Variants in GUCY2F observed in about 807,000 individuals in gnomAD.
GUCY2F encodes the protein retinal guanylyl cyclase 2.
In GUCY2F, 61 loss-of-function variants were observed where a neutral mutation model predicts 73.1. The ratio of observed to expected loss-of-function variants is 0.83; its 90% confidence interval spans 0.68 to 1.03. GUCY2F has a LOEUF of 1.03. GUCY2F is among the 50% of genes least tolerant of loss of function. The pLI is 0.00. For missense variants in GUCY2F, 912 were observed against 854.3 expected (o/e 1.07, Z -0.84); for synonymous variants, 331 against 307.8 (o/e 1.08, Z -0.79).
rs149787608 is a variant in GUCY2F at position 109,439,519 on chromosome X, T to G, written c.1701+1832A>C. Among the ~76,000 whole-genome samples the G allele has an allele frequency of 9.3e-3, 1,018 of 109,833 alleles. 6 individuals are homozygous for G. Among genetic ancestry groups the G allele is most frequent in the Middle Eastern group, 0.023 (5 of 217 alleles). Reference sequence around the variant, plus strand: ...GGCAAGGCTGAGAATTTTACAACTCTGTATGTTCCGATTCCCTTGTTTTTT... The same window carrying G: ...GGCAAGGCTGAGAATTTTACAACTCGGTATGTTCCGATTCCCTTGTTTTTT... On this transcript the variant is annotated intron_variant, in intron 7 of 19. Coordinates refer to ENST00000218006, the MANE Select transcript of GUCY2F (RefSeq NM_001522.3).
At chrX:109,380,114 G>A (rs1335023173) in intron 17 of GUCY2F, among the ~76,000 whole-genome samples, 3 of 112,185 alleles carry the variant, frequency 2.7e-5, no homozygotes, top group East Asian at 5.6e-4. Flanking sequence ...GAGCCCAAGA[G>A]AAAAGGCTTT....
At position 109,475,828 on chromosome X, in the gene GUCY2F, A is replaced by T. The variant is rs754988699; in HGVS notation, c.109T>A (p.Cys37Ser). Residue 37 changes from cysteine (C) to serine (S), a missense_variant, in exon 2 of 20, where the codon TGC becomes AGC. By Grantham distance (112) the Cys-to-Ser change is moderately radical (BLOSUM62 -1). Transcript: ENST00000218006. Reference protein sequence around the residue: ...LASAKFLWCLCLLSVMSLPQQ... With the variant: ...LASAKFLWCLSLLSVMSLPQQ... ...GGAAGGGACATGACAGACAGAAGGC[A>T]CAAGCACCACAGGAACTTGGCAGAT... is the stretch of plus-strand genomic sequence containing the variant. 10 of 1,211,113 alleles carry T rather than the reference A, an allele frequency of 8.3e-6. No homozygotes were observed. Among genetic ancestry groups the T allele is most frequent in the Middle Eastern group, 4.6e-4 (2 of 4,354 alleles).
intron 1 of GUCY2F, 112 bp from the exon 2 acceptor site, chrX:109,476,133 A>T: frequency 2.8e-6 from 1 of 357,514 alleles, no homozygotes; most frequent in Non-Finnish European, 4.8e-6. Flanking sequence ...CCCAAACTAA[A>T]AGTTTCTTTC....
intron 10 of GUCY2F, among the ~76,000 whole-genome samples, chrX:109,403,253 C>G (rs1930890584): frequency 9.0e-6 from 1 of 111,167 alleles, no homozygotes; most frequent in Non-Finnish European, 1.9e-5. Context: ...TCAGATTTCT[C>G]CTATTTCTTT....
At chrX:109,401,145 A>G (rs1930829938) in intron 10 of GUCY2F, among the ~76,000 whole-genome samples, 3 of 112,389 alleles carry the variant, frequency 2.7e-5, no homozygotes. Context: ...AGTAATGAAT[A>G]CATTTACAAT....
intron 7 of GUCY2F, among the ~76,000 whole-genome samples, chrX:109,434,418 T>C (rs1931686517): frequency 9.1e-6 from 1 of 109,474 alleles, no homozygotes; most frequent in Non-Finnish European, 1.9e-5. Context: ...GTGTGTACAA[T>C]AAAAGTGTGA....
Position 109,390,596 on chromosome X carries a change from T to C in GUCY2F, c.2781+1315A>G, listed in dbSNP as rs142265502. On this transcript the variant is annotated intron_variant, in intron 14 of 19. Coordinates refer to ENST00000218006, the MANE Select transcript of GUCY2F (RefSeq NM_001522.3). ...AAGTACCAAAATATCTAATGGCCTA[T>C]TGCTAAGACCCCCAACAATTGTCTG... Among the ~76,000 whole-genome samples, 65 of 112,809 alleles carry C rather than the reference T, an allele frequency of 5.8e-4. No homozygotes were observed. In the East Asian group the frequency reaches 0.018, roughly 31 times the overall value.
At chrX:109,445,264 T>C (rs918037090) in intron 6 of GUCY2F, among the ~76,000 whole-genome samples, 24 of 112,279 alleles carry the variant, frequency 2.1e-4, no homozygotes, top group African/African-American at 7.1e-4. Flanking sequence ...ACTAGTTGTT[T>C]AATTCACCAA....
intron 19 of GUCY2F, among the ~76,000 whole-genome samples, chrX:109,374,675 G>C (rs1930135096): frequency 9.0e-6 from 1 of 111,384 alleles, no homozygotes; most frequent in Admixed American, 9.5e-5. Context: ...GGATCTGTGT[G>C]TGTGTCTGTC....
chrX:109,402,387 T>C (rs1930863889), intron 10 of GUCY2F, among the ~76,000 whole-genome samples: 1 of 109,439 alleles, frequency 9.1e-6, no homozygotes, highest in Non-Finnish European at 1.9e-5. Context: ...TTTTTTTTTT[T>C]TTTGAGACAG....
At chrX:109,387,784 G>C (rs1287828950) in intron 15 of GUCY2F, among the ~76,000 whole-genome samples, 9 of 111,960 alleles carry the variant, frequency 8.0e-5, no homozygotes, top group Admixed American at 7.6e-4. Context: ...TAGAGAACAG[G>C]AAGAGTCAAG....
chrX:109,397,703 A>G (rs1214193121), intron 11 of GUCY2F, among the ~76,000 whole-genome samples: 1 of 112,020 alleles, frequency 8.9e-6, no homozygotes, highest in Non-Finnish European at 1.9e-5. Flanking sequence ...TGTCTCTTTC[A>G]GTCTGCGATA....
intron 14 of GUCY2F, among the ~76,000 whole-genome samples, chrX:109,389,288 G>A (rs1415092460): frequency 8.9e-6 from 1 of 111,825 alleles, no homozygotes; most frequent in Non-Finnish European, 1.9e-5. Flanking sequence ...TGGACACTTG[G>A]AAATAAAGCC....
chrX:109,467,359 C>T (rs1932490296), intron 2 of GUCY2F, among the ~76,000 whole-genome samples: 1 of 111,985 alleles, frequency 8.9e-6, no homozygotes, highest in African/African-American at 3.2e-5. Context: ...CCAACAGTAT[C>T]CTCAGCAAGT....
intron 8 of GUCY2F, among the ~76,000 whole-genome samples, chrX:109,426,644 C>T (rs1436714252): frequency 8.9e-6 from 1 of 112,327 alleles, no homozygotes; most frequent in Admixed American, 9.4e-5. Context: ...CCGCCTCGGC[C>T]TCCCAAAGTG....
intron 2 of GUCY2F, among the ~76,000 whole-genome samples, chrX:109,473,749 G>A (rs1177002646): frequency 8.9e-6 from 1 of 111,868 alleles, no homozygotes; most frequent in Non-Finnish European, 1.9e-5. Context: ...TTATGGTAGA[G>A]GCCAAAATGT....
intron 12 of GUCY2F, among the ~76,000 whole-genome samples, chrX:109,394,094 C>T (rs1166733876): frequency 2.7e-5 from 3 of 111,773 alleles, no homozygotes; most frequent in Non-Finnish European, 5.7e-5. Flanking sequence ...TCTCCTCCTC[C>T]TCCTCCCACT....
At chrX:109,480,142 C>T (rs1251549400) in intron 1 of GUCY2F, among the ~76,000 whole-genome samples, 1 of 111,597 alleles carries the variant, frequency 9.0e-6, no homozygotes, top group Admixed American at 9.5e-5. Context: ...TATTTTAGGC[C>T]TTAATCAAGA....
intron 8 of GUCY2F, among the ~76,000 whole-genome samples, chrX:109,413,950 T>C (rs1931175659): frequency 9.1e-6 from 1 of 109,562 alleles, no homozygotes; most frequent in African/African-American, 3.4e-5. Context: ...TTTTCTTTCT[T>C]CTTTTTTTTT....
Sources: gnomAD v4.1 joint callset for allele counts (sites outside exome capture counted in the v4.1 genomes callset) on GRCh38, gnomAD v4.1.1 for gene constraint, MANE v1.5 for transcripts, NCBI Gene and HGNC (gene_info 2026-07-23, HGNC 2026-07-21) for gene names.